CLEC12A: variants seen among roughly 807,000 people sequenced by gnomAD.
The protein encoded by CLEC12A is C-type lectin protein CLL-1.
In CLEC12A, 22 loss-of-function variants were observed where a neutral mutation model predicts 26.5. The observed-to-expected ratio is 0.83, with a 90% CI of 0.59 to 1.19. CLEC12A has a LOEUF of 1.19. CLEC12A is among the 50% of genes most tolerant of loss of function. CLEC12A has a pLI of 0.00. For missense variants in CLEC12A, 353 were observed against 315.6 expected (o/e 1.12, Z -0.90); for synonymous variants, 119 against 101.9 (o/e 1.17, Z -1.01).
intron 1 of CLEC12A, among the ~76,000 whole-genome samples, chr12:9,957,773 T>A (rs1863767189): frequency 6.6e-6 from 1 of 152,218 alleles, no homozygotes; most frequent in African/African-American, 2.4e-5. Context: ...AAGCTATCAA[T>A]TTACATTGCC....
At chr12:9,957,924 G>C (rs964364002) in intron 1 of CLEC12A, among the ~76,000 whole-genome samples, 3 of 152,190 alleles carry the variant, frequency 2.0e-5, no homozygotes, top group Admixed American at 6.5e-5. Flanking sequence ...ATTAAAGTAG[G>C]AGAATATTGG....
intron 5 of CLEC12A, chr12:9,983,524 A>C: frequency 1.4e-6 from 1 of 695,922 alleles, no homozygotes; most frequent in Non-Finnish European, 2.6e-6. Context: ...GAAATTTGGG[A>C]AGCAGAAAAT....
upstream of CLEC12A, among the ~76,000 whole-genome samples, chr12:9,970,222 T>G (rs1864077653): frequency 6.6e-6 from 1 of 152,128 alleles, no homozygotes; most frequent in South Asian, 2.1e-4. Flanking sequence ...TTTTCTATTT[T>G]TTTCTTTTCT....
intron 4 of CLEC12A, among the ~76,000 whole-genome samples, chr12:9,994,624 G>A (rs1864986551): frequency 6.6e-6 from 1 of 152,056 alleles, no homozygotes; most frequent in Admixed American, 6.6e-5. Context: ...TTCGTTAATG[G>A]ACATTGGAAT....
upstream of CLEC12A, chr12:9,971,374 T>C: frequency 8.7e-7 from 1 of 1,148,780 alleles, no homozygotes; most frequent in East Asian, 4.3e-5. Context: ...GTTGCAACAG[T>C]TCAATGTTCT....
the CLEC12A span, among the ~76,000 whole-genome samples, chr12:10,003,202 T>C: frequency 6.6e-6 from 1 of 152,244 alleles, no homozygotes; most frequent in Non-Finnish European, 1.5e-5. Flanking sequence ...AATTTGGTAA[T>C]GGTAGGATTT....
intron 1 of CLEC12A, among the ~76,000 whole-genome samples, chr12:9,959,915 A>G (rs1863803240): frequency 1.3e-5 from 2 of 152,180 alleles, no homozygotes; most frequent in Non-Finnish European, 2.9e-5. Context: ...AACAGAAGCT[A>G]TGTCATACAT....
chr12:9,968,601 C>T (rs565509973), upstream of CLEC12A, among the ~76,000 whole-genome samples: 23 of 152,184 alleles, frequency 1.5e-4, no homozygotes, highest in East Asian at 3.9e-4. Flanking sequence ...CATCAGTTAA[C>T]GCAGGAACCG....
intron 1 of CLEC12A, among the ~76,000 whole-genome samples, chr12:9,978,024 T>C (rs955035448): frequency 1.3e-5 from 2 of 152,152 alleles, no homozygotes; most frequent in African/African-American, 2.4e-5. Context: ...GTAGTAACTA[T>C]TTTCTAAAGT....
At chr12:9,976,314 A>G (rs1373823313) in intron 1 of CLEC12A, among the ~76,000 whole-genome samples, 1 of 152,210 alleles carries the variant, frequency 6.6e-6, no homozygotes, top group Non-Finnish European at 1.5e-5. Flanking sequence ...GGGAGACTGT[A>G]CCTTGCAAAG....
At chr12:9,996,762 T>C, downstream of CLEC12A, 1 of 1,417,468 alleles carries the variant, frequency 7.1e-7, no homozygotes, top group Non-Finnish European at 9.9e-7. Flanking sequence ...TTAAGAAAAA[T>C]GTAAAAAACA....
chr12:9,951,676 C>T (rs1863612090), intron 1 of CLEC12A: 1 of 364,312 alleles, frequency 2.7e-6, no homozygotes, highest in Non-Finnish European at 5.2e-6. Flanking sequence ...TCTCTTGGGA[C>T]TTGCTTATTG....
At position 9,985,101 on chromosome 12, in the gene CLEC12A, G is replaced by A. The variant is rs1864724627; in HGVS notation, c.*75G>A. 1 of 1,301,946 alleles carries A rather than the reference G, an allele frequency of 7.7e-7. No individual in the cohort carries two copies. The highest frequency in any genetic ancestry group is 9.7e-7 in the Non-Finnish European group (1 of 1,025,870). 80.6% of individuals were successfully genotyped at this position (1,301,946 alleles called of 1,614,324 possible). On this transcript the variant is annotated 3_prime_UTR_variant, in exon 6 of 6. Coordinates refer to ENST00000304361, the MANE Select transcript of CLEC12A (RefSeq NM_138337.6). ...TATAGGTAAATTTAAATATTTTCTGGTTGACAATTAGTTGAGTTTGTCTGA... is the reference window on the plus strand; with the variant it reads ...TATAGGTAAATTTAAATATTTTCTGATTGACAATTAGTTGAGTTTGTCTGA...
intron 1 of CLEC12A, among the ~76,000 whole-genome samples, chr12:9,966,114 A>C (rs2594085): frequency 0.95 from 145,163 of 152,120 alleles, 69,309 homozygotes; most frequent in East Asian, 0.99. Flanking sequence ...AAGTTGGCAC[A>C]AGAGTTGGGG....
intron 1 of CLEC12A, among the ~76,000 whole-genome samples, chr12:9,955,147 C>A (rs1470004546): frequency 6.6e-6 from 1 of 152,248 alleles, no homozygotes; most frequent in East Asian, 1.9e-4. Flanking sequence ...AGTGCAGTGG[C>A]CCGATCTCGG....
chr12:9,967,795 G>C (rs571977762), upstream of CLEC12A, among the ~76,000 whole-genome samples: 1 of 152,070 alleles, frequency 6.6e-6, no homozygotes, highest in Non-Finnish European at 1.5e-5. Context: ...GGGGTTGGGG[G>C]TTCTTGCTCC....
exon 5 of CLEC12A, chr12:9,995,481 C>G: frequency 2.2e-6 from 1 of 449,614 alleles, no homozygotes; most frequent in Non-Finnish European, 4.1e-6. Context: ...TTCTAATCTT[C>G]TTTTGTGTTT....
At chr12:9,980,534 TA>T in intron 3 of CLEC12A, 47 bp from the exon 4 acceptor site, 1 of 1,550,828 alleles carries the variant, frequency 6.4e-7, no homozygotes, top group Non-Finnish European at 8.8e-7. Context: ...TAATAAGAAT[TA>T]TTATGACTAT....
chr12:9,960,648 G>C (rs1863813263), intron 1 of CLEC12A, among the ~76,000 whole-genome samples: 1 of 152,222 alleles, frequency 6.6e-6, no homozygotes, highest in Non-Finnish European at 1.5e-5. Flanking sequence ...ATAGAAAAGA[G>C]AGACTGAAAC....
Sources: allele counts gnomAD v4.1 joint callset (sites outside exome capture counted in the v4.1 genomes callset), GRCh38; gene constraint gnomAD v4.1.1; transcripts MANE v1.5; gene names NCBI Gene and HGNC (gene_info 2026-07-23, HGNC 2026-07-21).